Variants in PEX5L observed in about 807,000 individuals in gnomAD.
PEX5L encodes the protein peroxisomal biogenesis factor 5 like.
Under a neutral mutation model 84.0 loss-of-function variants are expected in PEX5L, and 30 were observed. That is an observed-to-expected ratio of 0.36 (90% CI 0.27 to 0.48). PEX5L has a LOEUF of 0.48. PEX5L is among the 20% of genes least tolerant of loss of function. PEX5L has a pLI of 0.99. For synonymous variants in PEX5L, 270 were observed against 283.1 expected (o/e 0.95, Z 0.46); for missense variants, 533 against 754.6 (o/e 0.71, Z 3.44).
At chr3:180,029,570 C>A (rs901073160) in intron 1 of PEX5L, among the ~76,000 whole-genome samples, 1 of 152,178 alleles carries the variant, frequency 6.6e-6, no homozygotes, top group African/African-American at 2.4e-5. Flanking sequence ...GATAGCTGCT[C>A]TTTCCAGCTC....
chr3:180,006,818 C>G (rs568118180), intron 1 of PEX5L, among the ~76,000 whole-genome samples: 1 of 152,204 alleles, frequency 6.6e-6, no homozygotes, highest in African/African-American at 2.4e-5. Context: ...AAAGACAGGC[C>G]CTCAAGATTC....
intron 8 of PEX5L, among the ~76,000 whole-genome samples, chr3:179,853,947 G>C (rs1456305995): frequency 6.6e-6 from 1 of 150,666 alleles, no homozygotes; most frequent in Non-Finnish European, 1.5e-5. Context: ...GAGTATCTGG[G>C]ATGACAAGTA....
intron 1 of PEX5L, among the ~76,000 whole-genome samples, chr3:180,016,258 T>C (rs1789938188): frequency 6.6e-6 from 1 of 152,198 alleles, no homozygotes; most frequent in African/African-American, 2.4e-5. Flanking sequence ...ATCATAATAC[T>C]TAAAGTTTTA....
intron 5 of PEX5L, among the ~76,000 whole-genome samples, chr3:179,879,031 A>T (rs1753338465): frequency 6.6e-6 from 1 of 152,222 alleles, no homozygotes; most frequent in Admixed American, 6.5e-5. Context: ...AAGTGATTTC[A>T]TATATTCCCA....
At chr3:180,028,608 G>A (rs1791175381) in intron 1 of PEX5L, among the ~76,000 whole-genome samples, 1 of 152,154 alleles carries the variant, frequency 6.6e-6, no homozygotes, top group Non-Finnish European at 1.5e-5. Context: ...TAATATACCA[G>A]GGTAAGGCAG....
At chr3:179,911,656 T>C (rs1386310542) in intron 2 of PEX5L, among the ~76,000 whole-genome samples, 2 of 152,216 alleles carry the variant, frequency 1.3e-5, no homozygotes, top group Non-Finnish European at 2.9e-5. Context: ...AACTTGATAA[T>C]GCTACACTAT....
intron 1 of PEX5L, chr3:179,973,941 A>T: frequency 1.0e-6 from 1 of 985,364 alleles, no homozygotes; most frequent in Non-Finnish European, 1.2e-6. Context: ...AGAATTAAGC[A>T]ATATTTTCTA....
chr3:179,806,346 G>A (rs557493589), intron 14 of PEX5L, among the ~76,000 whole-genome samples: 8 of 152,226 alleles, frequency 5.3e-5, no homozygotes, highest in African/African-American at 1.9e-4. Flanking sequence ...ATGTAAACAG[G>A]GCCTCTGCAG....
intron 1 of PEX5L, among the ~76,000 whole-genome samples, chr3:180,032,622 G>C (rs6764921): frequency 0.018 from 2,727 of 152,312 alleles, 90 homozygotes; most frequent in African/African-American, 0.062. Context: ...GGGAGGCAAA[G>C]GCGCGTGGAT....
chr3:179,948,120 C>A (rs746639452), intron 2 of PEX5L, among the ~76,000 whole-genome samples: 1 of 152,114 alleles, frequency 6.6e-6, no homozygotes, highest in African/African-American at 2.4e-5. Flanking sequence ...GCATTACCAT[C>A]TAGGAATAAA....
intron 2 of PEX5L, among the ~76,000 whole-genome samples, chr3:179,919,939 G>A (rs543617187): frequency 6.6e-6 from 1 of 152,300 alleles, no homozygotes; most frequent in African/African-American, 2.4e-5. Context: ...CTGACCTCAA[G>A]TGATGCACCT....
chr3:180,002,103 G>T lies in PEX5L; in HGVS notation c.22-30438C>A, dbSNP rs549072038. ...TTTTAATGCCTGCATGTTATTCTAG[G>T]TATGAATGTACCATGAACTTCTCAA... On this transcript the variant is annotated intron_variant, in intron 1 of 14. Coordinates refer to ENST00000467460, the MANE Select transcript of PEX5L (RefSeq NM_016559.3). Among the ~76,000 whole-genome samples, 4 of 152,086 alleles carry T rather than the reference G, an allele frequency of 2.6e-5. No individual in the cohort carries two copies. In the South Asian group the frequency reaches 8.3e-4, roughly 32 times the overall value.
At chr3:179,929,489 A>AT (rs5854851) in intron 2 of PEX5L, among the ~76,000 whole-genome samples, 129 of 129,120 alleles carry the variant, frequency 1.0e-3, no homozygotes, top group South Asian at 4.1e-3. Context: ...TGAAGTTGCC[A>AT]TTTTTTTTTT....
chr3:179,816,021 G>A lies in PEX5L; in HGVS notation c.940-17C>T, dbSNP rs775684579. 6.8e-6 allele frequency: 11 copies of A among 1,613,112 alleles called. No individual in the cohort carries two copies. The African/African-American group carries it at 1.1e-4, about 16-fold the overall frequency. On this transcript the variant is annotated splice_polypyrimidine_tract_variant and intron_variant, in intron 9 of 14. Coordinates refer to ENST00000467460, the MANE Select transcript of PEX5L (RefSeq NM_016559.3). Reference sequence around the variant, plus strand: ...GTAATATCCCTGCAACACAGAAAAAGGCCAGTGCATGAGCCATTGATTTCT... The same window carrying A: ...GTAATATCCCTGCAACACAGAAAAAAGCCAGTGCATGAGCCATTGATTTCT...
chr3:179,942,195 A>G (rs1398069166), intron 2 of PEX5L, among the ~76,000 whole-genome samples: 1 of 152,232 alleles, frequency 6.6e-6, no homozygotes, highest in East Asian at 1.9e-4. Context: ...TGGCCTCCGG[A>G]CTGAAATTAA....
chr3:179,861,777 C>T (rs978526501), intron 7 of PEX5L, among the ~76,000 whole-genome samples: 10 of 152,200 alleles, frequency 6.6e-5, no homozygotes, highest in Non-Finnish European at 1.3e-4. Flanking sequence ...AATAATAAGA[C>T]GTTTCTTGTA....
At chr3:180,001,307 A>G (rs527553997) in intron 1 of PEX5L, among the ~76,000 whole-genome samples, 3 of 148,428 alleles carry the variant, frequency 2.0e-5, no homozygotes, top group East Asian at 2.0e-4. Context: ...TACTTAATAA[A>G]CTCCCCTTTA....
intron 1 of PEX5L, chr3:179,973,416 C>G: frequency 9.0e-7 from 1 of 1,109,558 alleles, no homozygotes; most frequent in South Asian, 2.3e-5. Context: ...TTGGCTAGCA[C>G]AAAAAACTCA....
At chr3:179,990,937 C>T (rs1787323604) in intron 1 of PEX5L, among the ~76,000 whole-genome samples, 1 of 152,168 alleles carries the variant, frequency 6.6e-6, no homozygotes, top group Non-Finnish European at 1.5e-5. Context: ...TGATTAAAAC[C>T]TGTTTATATA....
Sources: allele counts gnomAD v4.1 joint callset (sites outside exome capture counted in the v4.1 genomes callset), GRCh38; gene constraint gnomAD v4.1.1; transcripts MANE v1.5; gene names NCBI Gene and HGNC (gene_info 2026-07-23, HGNC 2026-07-21).